Variants in MMUT observed in about 807,000 individuals in gnomAD.
MMUT encodes methylmalonyl-CoA mutase, mitochondrial.
In MMUT, 79 loss-of-function variants were observed where a neutral mutation model predicts 79.9. The observed-to-expected ratio is 0.99, with a 90% confidence interval of 0.82 to 1.19. The LOEUF (loss-of-function observed/expected upper bound fraction) is 1.19, where lower values mean the gene tolerates loss of function less well. Among genes scored for constraint, MMUT ranks in the 50% most tolerant of loss-of-function variants. MMUT has a pLI of 0.00. For synonymous variants in MMUT, 273 were observed against 295.7 expected (o/e 0.92, Z 0.79); for missense variants, 860 against 917.2 (o/e 0.94, Z 0.81).
intron 3 of MMUT, among the ~76,000 whole-genome samples, chr6:49,456,473 G>C (rs959143621): frequency 1.3e-5 from 2 of 152,034 alleles, no homozygotes; most frequent in Non-Finnish European, 2.9e-5. Context: ...TTTTCTGGTG[G>C]ACAAGAATTT....
rs1465011865 is a variant in MMUT at position 49,431,797 on chromosome 6, A to C, written c.2184T>G (p.Ile728Met). ...VSNVFGPGTR[I>M]PKAAVQVLDD... ...CAAGCACCTGAACGGCAGCCTTTGG[A>C]ATTCGAGTCCCAGGACCAAATACAT... Residue 728 changes from isoleucine to methionine, a missense_variant, in exon 13 of 13, where the codon ATT becomes ATG. By Grantham distance (10) the Ile-to-Met change is conservative. Transcript: ENST00000274813. 1 of 1,613,908 alleles carries C rather than the reference A, an allele frequency of 6.2e-7. No homozygotes were observed. Among genetic ancestry groups the C allele is most frequent in the Non-Finnish European group, 8.5e-7 (1 of 1,179,902 alleles).
intron 4 of MMUT, among the ~76,000 whole-genome samples, chr6:49,455,222 A>C (rs1767656638): frequency 6.6e-6 from 1 of 152,230 alleles, no homozygotes; most frequent in South Asian, 2.1e-4. Flanking sequence ...CTGGAGTCTC[A>C]TATCTGTTTC....
chr6:49,461,563 G>T (rs751501656), intron 1 of MMUT, among the ~76,000 whole-genome samples: 1 of 150,556 alleles, frequency 6.6e-6, no homozygotes, highest in Non-Finnish European at 1.5e-5. Context: ...GAGGTCAGGG[G>T]TTCAAGACCA....
intron 1 of MMUT, among the ~76,000 whole-genome samples, chr6:49,461,361 C>CA (rs974151960): frequency 6.6e-6 from 1 of 151,684 alleles, no homozygotes; most frequent in East Asian, 1.9e-4. Context: ...CATAGTTTCC[C>CA]AAAAAAAGAG....
At position 49,447,698 on chromosome 6, in the gene MMUT, C is replaced by T. The variant is rs776065390; in HGVS notation, c.1532G>A (p.Arg511Gln). Reference protein sequence around the residue: ...EVLAIDNTSVRNRQIEKLKKI... With the variant: ...EVLAIDNTSVQNRQIEKLKKI... ...CTTAAGTTTTTCAATCTGCCTGTTT[C>T]GCACTGAAGTATTATCAATTGCCAG... The change falls in exon 8 of 13, where the codon CGA becomes CAA. Residue 511 changes from arginine (R) to glutamine (Q), a missense_variant. Arg to Gln is a conservative substitution (Grantham distance 43). Transcript: ENST00000274813. 3.7e-5 allele frequency: 60 copies of T among 1,606,974 alleles called. No individual in the cohort carries two copies. The highest frequency in any genetic ancestry group is 4.8e-5 in the Non-Finnish European group (56 of 1,175,426).
intron 9 of MMUT, among the ~76,000 whole-genome samples, chr6:49,442,946 A>C (rs938877999): frequency 6.6e-6 from 1 of 152,142 alleles, no homozygotes; most frequent in African/African-American, 2.4e-5. Context: ...AAAGTCATCT[A>C]ATTTTTTTAA....
At chr6:49,436,214 T>C (rs1189834819) in intron 11 of MMUT, among the ~76,000 whole-genome samples, 1 of 152,184 alleles carries the variant, frequency 6.6e-6, no homozygotes, top group African/African-American at 2.4e-5. Flanking sequence ...GACGACAGTG[T>C]GGTGATTCCG....
At chr6:49,454,330 C>A (rs112069839) in intron 4 of MMUT, among the ~76,000 whole-genome samples, 96 of 152,244 alleles carry the variant, frequency 6.3e-4, no homozygotes, top group Non-Finnish European at 1.1e-3. Flanking sequence ...TTTTTTGAGA[C>A]AGAGTCTTGT....
chr6:49,434,707 C>T (rs1214572412), intron 12 of MMUT, among the ~76,000 whole-genome samples: 1 of 152,152 alleles, frequency 6.6e-6, no homozygotes, highest in African/African-American at 2.4e-5. Context: ...TGTCTCCCTA[C>T]CTCATTAATA....
chr6:49,447,364 T>A (rs1484310516), intron 8 of MMUT, among the ~76,000 whole-genome samples: 3 of 151,858 alleles, frequency 2.0e-5, no homozygotes, highest in Non-Finnish European at 4.4e-5. Flanking sequence ...AATCTATAAA[T>A]TATGGAAGGT....
At chr6:49,434,171 C>A (rs1217300035) in intron 12 of MMUT, among the ~76,000 whole-genome samples, 1 of 151,960 alleles carries the variant, frequency 6.6e-6, no homozygotes, top group Non-Finnish European at 1.5e-5. Context: ...CTGATAGAAG[C>A]GTTCTGTAGA....
chr6:49,443,811 A>G lies in MMUT; in HGVS notation c.1676+828T>C, dbSNP rs1345710358. 3 of 438,764 alleles carry G rather than the reference A, an allele frequency of 6.8e-6. No homozygotes were observed. The East Asian group carries it at 2.2e-4, about 32-fold the overall frequency. The allele number at this position is 438,764 out of a possible 1,614,324, so 27.2% of individuals were successfully genotyped here. A position where few individuals can be genotyped will look rare whatever the true frequency, so the allele number is the denominator to read the frequency against. On this transcript the variant is annotated intron_variant, in intron 9 of 12. Coordinates refer to ENST00000274813, the MANE Select transcript of MMUT (RefSeq NM_000255.4). ...TGCCAAATATCGTGTCTATGGGAACACTGAAGCAGATATAACATGAGATTA... is the reference window on the plus strand; with the variant it reads ...TGCCAAATATCGTGTCTATGGGAACGCTGAAGCAGATATAACATGAGATTA...
At chr6:49,458,158 C>T in intron 2 of MMUT, 100 bp from the exon 3 acceptor site, 1 of 1,175,858 alleles carries the variant, frequency 8.5e-7, no homozygotes, top group Non-Finnish European at 1.2e-6. Flanking sequence ...CATCTCATAA[C>T]AGTACACTTT....
chr6:49,452,356 G>A (rs766144037), intron 5 of MMUT, among the ~76,000 whole-genome samples: 17 of 151,690 alleles, frequency 1.1e-4, no homozygotes, highest in Middle Eastern at 3.4e-3. Flanking sequence ...ATTTTGAGAC[G>A]GAGTCTCGCT....
intron 9 of MMUT, among the ~76,000 whole-genome samples, chr6:49,442,810 G>A (rs997306824): frequency 6.6e-6 from 1 of 152,142 alleles, no homozygotes; most frequent in Non-Finnish European, 1.5e-5. Flanking sequence ...ACACGGCATA[G>A]TGAGGAAAGT....
chr6:49,443,764 G>C (rs7744595), intron 9 of MMUT: 153,746 of 440,534 alleles, frequency 0.35, 27,811 homozygotes, highest in African/African-American at 0.41. Flanking sequence ...CTATTAGGTA[G>C]TAAGTACAAA....
Position 49,459,290 on chromosome 6 carries a change from T to C in MMUT, c.177A>G (p.Leu59=). The C allele has an allele frequency of 6.2e-7, 1 of 1,614,174 alleles. No individual in the cohort carries two copies. Among genetic ancestry groups the C allele is most frequent in the African/African-American group, 1.3e-5 (1 of 75,040 alleles). Reference sequence around the variant, plus strand: ...AGATCCCTTCCGGGGTGTGCCATATTAGGTCTTCTGGGTTTTTGCCTTTCA... The same window carrying C: ...AGATCCCTTCCGGGGTGTGCCATATCAGGTCTTCTGGGTTTTTGCCTTTCA... ...KQLKGKNPED[L]IWHTPEGISI... Residue 59 remains leucine (L), a synonymous_variant, in exon 2 of 13, where the codon CTA becomes CTG. Coordinates refer to ENST00000274813, the MANE Select transcript of MMUT (RefSeq NM_000255.4).
intron 11 of MMUT, among the ~76,000 whole-genome samples, chr6:49,436,993 C>G (rs533929002): frequency 6.6e-6 from 1 of 152,056 alleles, no homozygotes; most frequent in African/African-American, 2.4e-5. Flanking sequence ...CTAATGGGTA[C>G]TAGGCTTAAC....
chr6:49,439,356 T>C (rs9463482), intron 11 of MMUT, among the ~76,000 whole-genome samples: 88,883 of 151,964 alleles, frequency 0.58, 26,361 homozygotes, highest in South Asian at 0.65. Context: ...CTCCAAAATC[T>C]TAGAGGCCTC....
Sources: gnomAD v4.1 joint callset for allele counts (sites outside exome capture counted in the v4.1 genomes callset) on GRCh38, gnomAD v4.1.1 for gene constraint, MANE v1.5 for transcripts, NCBI Gene and HGNC (gene_info 2026-07-23, HGNC 2026-07-21) for gene names.